PLSCR4: variants seen among roughly 807,000 people sequenced by gnomAD.
PLSCR4 encodes the protein Ca(2+)-dependent phospholipid scramblase 4.
Under a neutral mutation model 36.3 loss-of-function variants are expected in PLSCR4, and 25 were observed. The observed-to-expected ratio is 0.69, with a 90% confidence interval of 0.50 to 0.96. The LOEUF is 0.96. Ranked by LOEUF, PLSCR4 falls within the 40% of genes least tolerant of loss-of-function variation. PLSCR4 has a pLI of 0.00. For missense variants in PLSCR4, 408 were observed against 414.7 expected, an observed-to-expected ratio of 0.98 and a Z score of 0.14; for synonymous variants, 122 against 132.9, an observed-to-expected ratio of 0.92 and a Z score of 0.56.
intron 1 of PLSCR4, among the ~76,000 whole-genome samples, chr3:146,223,506 T>C (rs1371556562): frequency 6.6e-6 from 1 of 152,202 alleles, no homozygotes; most frequent in Non-Finnish European, 1.5e-5. Flanking sequence ...TGTGATCATG[T>C]TCATAAGAAT....
intron 3 of PLSCR4, among the ~76,000 whole-genome samples, chr3:146,213,448 C>T (rs1049358787): frequency 6.6e-6 from 1 of 150,994 alleles, no homozygotes; most frequent in African/African-American, 2.4e-5. Flanking sequence ...TCTCCTGTCT[C>T]AGTGTCCCAA....
At chr3:146,225,972 C>T (rs1426788668) in intron 1 of PLSCR4, among the ~76,000 whole-genome samples, 2 of 152,194 alleles carry the variant, frequency 1.3e-5, no homozygotes, top group Non-Finnish European at 2.9e-5. Context: ...ACTGCCAGCA[C>T]ACTGTCACCT....
chr3:146,210,017 C>T (rs540733008), intron 3 of PLSCR4, among the ~76,000 whole-genome samples: 94 of 152,172 alleles, frequency 6.2e-4, no homozygotes, highest in African/African-American at 2.2e-3. Flanking sequence ...CCCTCAAATA[C>T]CAAAACCTAC....
intron 1 of PLSCR4, among the ~76,000 whole-genome samples, chr3:146,246,413 G>A (rs1262471011): frequency 6.6e-6 from 1 of 151,910 alleles, no homozygotes; most frequent in Non-Finnish European, 1.5e-5. Context: ...TAGCAAGTGT[G>A]AAGGATCTTG....
chr3:146,231,630 C>T (rs115705388), intron 1 of PLSCR4, among the ~76,000 whole-genome samples: 2,562 of 152,252 alleles, frequency 0.017, 78 homozygotes, highest in African/African-American at 0.058. Context: ...ACCCTGTTTT[C>T]TTATGCCTGT....
In PLSCR4 at chr3:146,239,275, A is replaced by G. The variant is rs1176922117; in HGVS notation, c.-22+11685T>C. ...AAAGGGTCCCATAAAGGCCAAAACAATCTTGGAAGCAAATGAAAAATGGAA... is the reference window on the plus strand; with the variant it reads ...AAAGGGTCCCATAAAGGCCAAAACAGTCTTGGAAGCAAATGAAAAATGGAA... On this transcript the variant is annotated intron_variant, in intron 1 of 8. Transcript: ENST00000354952. 2.6e-5 allele frequency among the ~76,000 whole-genome samples: 4 copies of G among 152,164 alleles called. No individual in the cohort carries two copies. The East Asian group carries it at 7.7e-4, about 29-fold the overall frequency.
chr3:146,199,728 TCCTC>T, intron 6 of PLSCR4, 81 bp downstream of exon 6: 3 of 1,107,534 alleles, frequency 2.7e-6, no homozygotes, highest in Non-Finnish European at 4.0e-6. Flanking sequence ...CCAGGGAATA[TCCTC>T]CCTATGTAGT....
intron 3 of PLSCR4, among the ~76,000 whole-genome samples, chr3:146,209,124 T>C (rs578217048): frequency 9.9e-5 from 15 of 152,228 alleles, no homozygotes; most frequent in East Asian, 5.8e-4. Context: ...CTGGATGCGA[T>C]TGGAGACTAT....
chr3:146,244,422 T>C (rs925765409), intron 1 of PLSCR4, among the ~76,000 whole-genome samples: 1 of 152,132 alleles, frequency 6.6e-6, no homozygotes, highest in African/African-American at 2.4e-5. Flanking sequence ...GTTTGTGGCA[T>C]CCTTGTATCA....
intron 3 of PLSCR4, among the ~76,000 whole-genome samples, chr3:146,217,774 A>T (rs1412077540): frequency 1.3e-5 from 2 of 152,206 alleles, no homozygotes; most frequent in Non-Finnish European, 2.9e-5. Flanking sequence ...TGGGCTGGTG[A>T]TCATTGAGTT....
intron 5 of PLSCR4, 136 bp from the exon 6 acceptor site, chr3:146,200,175 G>C (rs1332191331): frequency 1.7e-6 from 1 of 599,498 alleles, no homozygotes; most frequent in Non-Finnish European, 3.0e-6. Context: ...GAATTGATTA[G>C]AGTACCCCAA....
chr3:146,229,618 TTTATTTATTTATTTATTTATTTA>T (rs2035620439), intron 1 of PLSCR4, among the ~76,000 whole-genome samples: 1 of 132,540 alleles, frequency 7.5e-6, no homozygotes, highest in African/African-American at 2.6e-5. Flanking sequence ...TATTTATTTA[TTTATTTATTTATTTATTTATTTA>T]TGAGATGGAG....
Position 146,220,899 on chromosome 3 carries a change from G to A in PLSCR4, c.34C>T (p.Pro12Ser). The A allele has an allele frequency of 6.2e-7, 1 of 1,613,250 alleles. No homozygotes were observed. Among genetic ancestry groups the A allele is most frequent in the African/African-American group, 1.3e-5 (1 of 75,014 alleles). The change falls in exon 3 of 9, where the codon CCT (proline) becomes TCT (serine). Residue 12 changes from proline to serine, a missense_variant. By Grantham distance (74) the Pro-to-Ser change is moderately conservative. Coordinates refer to ENST00000354952, the MANE Select transcript of PLSCR4 (RefSeq NM_020353.3). The stretch of plus-strand genomic sequence containing the variant: ...GTTTGATTTTCCATTTCACCTGCAG[G>A]CTGTTCAGGGGCTGTGGGTACCACA... Reference protein sequence around the residue: ...SGVVPTAPEQPAGEMENQTKP... With the variant: ...SGVVPTAPEQSAGEMENQTKP...
At position 146,196,717 on chromosome 3, in the gene PLSCR4, C is replaced by T; in HGVS notation, c.701G>A (p.Ser234Asn). Residue 234 changes from serine (S) to asparagine (N), a missense_variant, in exon 7 of 9, where the codon AGC (serine) becomes AAC (asparagine). Physicochemically the swap from Ser to Asn is conservative, Grantham distance 46. Transcript: ENST00000354952. ...EHWNLCRAVY[S>N]IQNEKKENVM... ...ATTTTCTTTCTTCTCATTTTGGATGCTGTACACCGCCCTGCACAGGTTCCA... is the reference window on the plus strand; with the variant it reads ...ATTTTCTTTCTTCTCATTTTGGATGTTGTACACCGCCCTGCACAGGTTCCA... The T allele has an allele frequency of 6.2e-7, 1 of 1,613,948 alleles. No homozygotes were observed. The highest frequency in any genetic ancestry group is 1.3e-5 in the African/African-American group (1 of 75,030).
In PLSCR4 at chr3:146,196,699, T is replaced by G. The variant is rs778979229; in HGVS notation, c.719A>C (p.Lys240Thr). ...RAVYSIQNEK[K>T]ENVMRVRGPC... ...CCCACGAACTCTCATCACATTTTCTTTCTTCTCATTTTGGATGCTGTACAC... is the reference window on the plus strand; with the variant it reads ...CCCACGAACTCTCATCACATTTTCTGTCTTCTCATTTTGGATGCTGTACAC... The change falls in exon 7 of 9, where the codon AAA (lysine) becomes ACA (threonine). Residue 240 changes from lysine (K) to threonine (T), a missense_variant. By Grantham distance (78) the Lys-to-Thr change is moderately conservative. Coordinates refer to ENST00000354952, the MANE Select transcript of PLSCR4 (RefSeq NM_020353.3). 1.2e-6 allele frequency: 2 copies of G among 1,613,918 alleles called. No homozygotes were observed. Among genetic ancestry groups the G allele is most frequent in the South Asian group, 2.2e-5 (2 of 91,086 alleles).
intron 5 of PLSCR4, 59 bp downstream of exon 5, chr3:146,200,976 G>T: frequency 1.8e-6 from 2 of 1,105,906 alleles, no homozygotes; most frequent in Non-Finnish European, 2.6e-6. Context: ...CTAGATATTG[G>T]ATAATGCAAA....
At chr3:146,248,870 C>T (rs1512081) in intron 1 of PLSCR4, among the ~76,000 whole-genome samples, 118,055 of 152,066 alleles carry the variant, frequency 0.78, 46,915 homozygotes, top group Non-Finnish European at 0.86. Context: ...ATTTTCCTCA[C>T]TGCATTTTCA....
Position 146,224,404 on chromosome 3 carries a change from G to C in PLSCR4, c.-21-2312C>G, listed in dbSNP as rs148510435. On this transcript the variant is annotated intron_variant, in intron 1 of 8. Coordinates refer to ENST00000354952, the MANE Select transcript of PLSCR4 (RefSeq NM_020353.3). ...TTGTGTCCAGAATTGGTGGGTTCTT[G>C]GTCTCACTGACTTCAAGAACGAAGC... is the stretch of plus-strand genomic sequence containing the variant. 1.7e-3 allele frequency among the ~76,000 whole-genome samples: 263 copies of C among 152,272 alleles called. 1 individual carries two copies. Among genetic ancestry groups the C allele is most frequent in the African/African-American group, 6.0e-3 (249 of 41,554 alleles).
chr3:146,234,931 T>C (rs9840954), intron 1 of PLSCR4, among the ~76,000 whole-genome samples: 41,992 of 152,054 alleles, frequency 0.28, 6,452 homozygotes, highest in Admixed American at 0.35. Flanking sequence ...CTAACTGACA[T>C]TGAAATCATA....
Sources: allele counts gnomAD v4.1 joint callset (sites outside exome capture counted in the v4.1 genomes callset), GRCh38; gene constraint gnomAD v4.1.1; transcripts MANE v1.5; gene names NCBI Gene and HGNC (gene_info 2026-07-23, HGNC 2026-07-21).